Variants in FZR1 observed in about 807,000 individuals in gnomAD.
The protein encoded by FZR1 is fizzy and cell division cycle 20 related 1, also known as fizzy-related protein homolog.
In FZR1, 11 loss-of-function variants were observed where a neutral mutation model predicts 63.6. The ratio of observed to expected loss-of-function variants is 0.17; its 90% CI spans 0.11 to 0.29. FZR1 has a LOEUF of 0.29. FZR1 is among the 10% of genes least tolerant of loss of function. The pLI, the probability that FZR1 is intolerant of heterozygous loss-of-function variation, is 1.00. For synonymous variants in FZR1, 328 were observed against 297.9 expected (o/e 1.10, Z -1.04); for missense variants, 440 against 687.5 (o/e 0.64, Z 4.03).
Position 3,522,986 on chromosome 19 carries a change from C to A in FZR1, c.-4C>A. The A allele has an allele frequency of 6.2e-7, 1 of 1,608,980 alleles. No homozygotes were observed. Among genetic ancestry groups the A allele is most frequent in the South Asian group, 1.1e-5 (1 of 91,020 alleles). On this transcript the variant is annotated 5_prime_UTR_variant, in exon 2 of 14. Transcript: ENST00000441788. ...CCTTGCCGCGGGCCGAGCCCTGCCT[C>A]GCCATGGACCAGGACTATGAGCGGC... is the stretch of plus-strand genomic sequence containing the variant.
At chr19:3,507,594 C>A (rs998404843) in intron 1 of FZR1, among the ~76,000 whole-genome samples, 7 of 152,196 alleles carry the variant, frequency 4.6e-5, no homozygotes, top group Non-Finnish European at 2.9e-5. Context: ...GGCCCCCACC[C>A]CAACCTATGT....
At chr19:3,521,958 G>A (rs1425159371) in intron 1 of FZR1, among the ~76,000 whole-genome samples, 1 of 151,790 alleles carries the variant, frequency 6.6e-6, no homozygotes, top group Non-Finnish European at 1.5e-5. Flanking sequence ...CCAGCCTCAG[G>A]CGATCCTCCC....
At position 3,526,342 on chromosome 19, in the gene FZR1, C is replaced by A. The variant is rs1393174366; in HGVS notation, c.343C>A (p.Arg115Ser). The A allele has an allele frequency of 2.5e-6, 4 of 1,600,896 alleles. No individual in the cohort carries two copies. Among genetic ancestry groups the A allele is most frequent in the Non-Finnish European group, 3.4e-6 (4 of 1,174,658 alleles). Residue 115 changes from arginine (R) to serine (S), a missense_variant, in exon 5 of 14, where the codon CGC (arginine) becomes AGC (serine). Transcript: ENST00000441788. This position sits in a 1 kb window ranked among gnomAD's most constrained non-coding sequence, Gnocchi z 5.4. ...EKVQDPQTED[R>S]RLQPSTPEKK... ...GGTGCAGGACCCGCAGACTGAGGACCGCAGGCTGCAGCCCTCCACGCCTGA... is the reference window on the plus strand; with the variant it reads ...GGTGCAGGACCCGCAGACTGAGGACAGCAGGCTGCAGCCCTCCACGCCTGA...
At chr19:3,518,593 C>T (rs1356771407) in intron 1 of FZR1, among the ~76,000 whole-genome samples, 3 of 152,186 alleles carry the variant, frequency 2.0e-5, no homozygotes, top group East Asian at 1.9e-4. Flanking sequence ...GGTCCCTCTG[C>T]GAGGTGCCAG....
Position 3,532,509 on chromosome 19 carries a change from G to T in FZR1, c.1101G>T (p.Gln367His). 1.2e-6 allele frequency: 2 copies of T among 1,610,188 alleles called. No homozygotes were observed. The change falls in exon 11 of 14, where the codon CAG (glutamine) becomes CAT (histidine). Residue 367 changes from glutamine (Q) to histidine (H), a missense_variant. This residue lies in a region of FZR1 where 208 missense variants were observed against 363.6 expected (regional missense o/e 0.57). Coordinates refer to ENST00000441788, the MANE Select transcript of FZR1 (RefSeq NM_016263.4). ...AVKAIAWSPHQHGLLASGGGT... is the reference protein window; with the variant it reads ...AVKAIAWSPHHHGLLASGGGT... ...AGGCCATCGCCTGGTCCCCACATCA[G>T]CACGGGCTGCTGGCCTCGGGGGGCG... is the stretch of plus-strand genomic sequence containing the variant.
At chr19:3,534,082 T>A (rs565957803) in intron 12 of FZR1, among the ~76,000 whole-genome samples, 1 of 151,924 alleles carries the variant, frequency 6.6e-6, no homozygotes, top group African/African-American at 2.4e-5. Flanking sequence ...AAATGAGGTG[T>A]GGTGGTGTGC....
chr19:3,531,686 G>A (rs570273530), intron 8 of FZR1, 28 bp from the exon 9 acceptor site: 98 of 1,480,864 alleles, frequency 6.6e-5, no homozygotes, highest in Non-Finnish European at 8.1e-5. Flanking sequence ...ACCTGACACC[G>A]GTGCTCTGCC....
intron 7 of FZR1, among the ~76,000 whole-genome samples, chr19:3,529,749 CGCATG>C (rs2083215215): frequency 1.2e-5 from 1 of 82,630 alleles, no homozygotes; most frequent in African/African-American, 5.4e-5. Flanking sequence ...GATGGGTGAG[CGCATG>C]GGAGCGCATG....
chr19:3,527,112 G>A (rs10420193), intron 6 of FZR1, 50 bp downstream of exon 6: 5 of 1,409,256 alleles, frequency 3.5e-6, no homozygotes, highest in Non-Finnish European at 5.0e-6. Flanking sequence ...TCTCCCGTCA[G>A]CAGCAAGAGG....
chr19:3,525,577 G>A lies in FZR1; in HGVS notation c.70-291G>A, dbSNP rs1444894910. Among the ~76,000 whole-genome samples the A allele has an allele frequency of 5.9e-5, 9 of 151,736 alleles. No homozygotes were observed. The highest frequency in any genetic ancestry group is 3.9e-4 in the Admixed American group (6 of 15,222). ...CCTGCCTCAGCCTCCCGAGTAGCTGGGACTACAGGCGCCTGCCACCACGCC... is the reference window on the plus strand; with the variant it reads ...CCTGCCTCAGCCTCCCGAGTAGCTGAGACTACAGGCGCCTGCCACCACGCC... On this transcript the variant is annotated intron_variant, in intron 2 of 13. Coordinates refer to ENST00000441788, the MANE Select transcript of FZR1 (RefSeq NM_016263.4). The surrounding 1 kb of genome is among the most constrained non-coding windows in gnomAD (Gnocchi z 4.2).
rs140038836 is a variant in FZR1 at position 3,524,907 on chromosome 19, C to T, written c.70-961C>T. On this transcript the variant is annotated intron_variant, in intron 2 of 13. Transcript: ENST00000441788. ...AATGGCTTCCTCTTGAGTATAATCA[C>T]ATCTGCAAGAAACTCGTGTCCAATC... 5.2e-4 allele frequency among the ~76,000 whole-genome samples: 79 copies of T among 152,308 alleles called. No homozygotes were observed. The East Asian group carries it at 0.013, about 25-fold the overall frequency.
In FZR1 at chr19:3,535,174, T is replaced by C. The variant is rs2029895129; in HGVS notation, c.*338T>C. On this transcript the variant is annotated 3_prime_UTR_variant, in exon 14 of 14. Transcript: ENST00000441788. The stretch of plus-strand genomic sequence containing the variant: ...GACCCTCACTGCCTCCGTCTGTTCA[T>C]CACCTGCCCACCGGAGCCGCATGCT... 2.6e-6 allele frequency: 1 copy of C among 382,686 alleles called. No individual in the cohort carries two copies. Among genetic ancestry groups the C allele is most frequent in the African/African-American group, 2.1e-5 (1 of 48,618 alleles). The allele number at this position is 382,686 out of a possible 1,614,324, so 23.7% of individuals were successfully genotyped here.
Position 3,523,058 on chromosome 19 carries a change from C to A in FZR1, c.69C>A (p.Arg23=). 6.3e-7 allele frequency: 1 copy of A among 1,590,026 alleles called. No homozygotes were observed. Among genetic ancestry groups the A allele is most frequent in the Non-Finnish European group, 8.6e-7 (1 of 1,159,258 alleles). The change falls in exon 2 of 14, where the codon CGC becomes CGA. Residue 23 remains arginine, a splice_region_variant and synonymous_variant. Coordinates refer to ENST00000441788, the MANE Select transcript of FZR1 (RefSeq NM_016263.4). ...TCCAGAATGAGAACACGATGCCACG[C>A]GTGAGTGCCCCCGCCCTGCCCACCA... ...IVIQNENTMP[R]VTEMRRTLTP...
At position 3,523,013 on chromosome 19, in the gene FZR1, C is replaced by T. The variant is rs1286936682; in HGVS notation, c.24C>T (p.Arg8=). The change falls in exon 2 of 14, where the codon CGC becomes CGT. Residue 8 remains arginine, a synonymous_variant. Transcript: ENST00000441788. ...CCATGGACCAGGACTATGAGCGGCG[C>T]CTGCTTCGCCAGATCGTCATCCAGA... MDQDYER[R]LLRQIVIQNE... 4 of 1,611,924 alleles carry T rather than the reference C, an allele frequency of 2.5e-6. No homozygotes were observed. The South Asian group carries it at 4.4e-5, about 18-fold the overall frequency.
At chr19:3,521,924 A>G (rs923495174) in intron 1 of FZR1, among the ~76,000 whole-genome samples, 20 of 147,290 alleles carry the variant, frequency 1.4e-4, no homozygotes, top group Non-Finnish European at 1.5e-5. Flanking sequence ...TGGCATGATC[A>G]TAGCTTACTG....
chr19:3,523,084 C>A, intron 2 of FZR1, 26 bp downstream of exon 2: 1 of 1,404,114 alleles, frequency 7.1e-7, no homozygotes, highest in Non-Finnish European at 1.0e-6. Context: ...CTGCCCACCA[C>A]TGTGGCTCCC....
At position 3,535,457 on chromosome 19, in the gene FZR1, G is replaced by C. The variant is rs918728932; in HGVS notation, c.*621G>C. ...GCAGCCACCTCTGCTGTCACTGCTC[G>C]AAGCAGCAGTCTCTCTGGAAGCATC... is the stretch of plus-strand genomic sequence containing the variant. On this transcript the variant is annotated 3_prime_UTR_variant, in exon 14 of 14. Coordinates refer to ENST00000441788, the MANE Select transcript of FZR1 (RefSeq NM_016263.4). 1 of 153,860 alleles carries C rather than the reference G, an allele frequency of 6.5e-6. No individual in the cohort carries two copies. The highest frequency in any genetic ancestry group is 1.4e-5 in the Non-Finnish European group (1 of 69,208). 9.5% of individuals were successfully genotyped at this position (153,860 alleles called of 1,614,324 possible).
rs2083055801 is a variant in FZR1 at position 3,515,941 on chromosome 19, G to A, written c.-34-7015G>A. Among the ~76,000 whole-genome samples, 1 of 152,022 alleles carries A rather than the reference G, an allele frequency of 6.6e-6. No homozygotes were observed. Among genetic ancestry groups the A allele is most frequent in the Non-Finnish European group, 1.5e-5 (1 of 68,004 alleles). The stretch of plus-strand genomic sequence containing the variant: ...TGCATGGCCATTTTTCTGTGCAGTG[G>A]GTCTCACAGCCTCTTCCGCTCCCTG... On this transcript the variant is annotated intron_variant, in intron 1 of 13. Coordinates refer to ENST00000441788, the MANE Select transcript of FZR1 (RefSeq NM_016263.4). This position sits in a 1 kb window ranked among gnomAD's most constrained non-coding sequence, Gnocchi z 4.6.
At chr19:3,518,912 C>G (rs1212171127) in intron 1 of FZR1, among the ~76,000 whole-genome samples, 1 of 152,358 alleles carries the variant, frequency 6.6e-6, no homozygotes, top group South Asian at 2.1e-4. Context: ...ACCTGGAATG[C>G]TTCTCCACCA....
Sources: gnomAD v4.1 joint callset for allele counts (sites outside exome capture counted in the v4.1 genomes callset) on GRCh38, gnomAD v4.1.1 for gene constraint, gnomAD v4.1.1 regional missense constraint, Gnocchi (gnomAD v3.1) non-coding constraint, MANE v1.5 for transcripts, NCBI Gene and HGNC (gene_info 2026-07-23, HGNC 2026-07-21) for gene names.